CEP85L: variants seen among roughly 807,000 people sequenced by gnomAD.
CEP85L encodes the protein centrosomal protein 85L.
Under a neutral mutation model 100.3 loss-of-function variants are expected in CEP85L, and 60 were observed. The observed-to-expected ratio is 0.60, with a 90% CI of 0.49 to 0.74. The LOEUF (loss-of-function observed/expected upper bound fraction) is 0.74. Ranked by LOEUF, CEP85L falls within the 30% of genes least tolerant of loss-of-function variation. The probability of loss-of-function intolerance (pLI) is 0.00; values close to 1 mark genes in which losing one functional copy is unlikely to be tolerated. For missense variants in CEP85L, 973 were observed against 936.2 expected, an observed-to-expected ratio of 1.04 and a Z score of -0.51; for synonymous variants, 319 against 322.7, an observed-to-expected ratio of 0.99 and a Z score of 0.12.
intron 2 of CEP85L, among the ~76,000 whole-genome samples, chr6:118,587,399 C>G (rs1780926983): frequency 6.6e-6 from 1 of 152,090 alleles, no homozygotes; most frequent in Non-Finnish European, 1.5e-5. Context: ...TGGGGAAGAA[C>G]CATACTTGGG....
At chr6:118,701,369 A>G (rs1485542478) in intron 1 of CEP85L, among the ~76,000 whole-genome samples, 1 of 152,264 alleles carries the variant, frequency 6.6e-6, no homozygotes, top group Non-Finnish European at 1.5e-5. Flanking sequence ...ACATGAAATC[A>G]ACCTAGATGT....
rs1370356327 is a variant in CEP85L, at chr6:118,461,057, A to C, written c.*4348T>G. On this transcript the variant is annotated 3_prime_UTR_variant, in exon 13 of 13. Transcript: ENST00000368491. ...TTTAAACAATAACTGTATTTCAATT[A>C]AGTCATGAACACTGTATTTACACAT... 1 of 151,638 alleles carries C rather than the reference A, an allele frequency of 6.6e-6. No individual in the cohort carries two copies. The highest frequency in any genetic ancestry group is 1.5e-5 in the Non-Finnish European group (1 of 67,874). The allele number at this position is 151,638 out of a possible 1,614,324, so 9.4% of individuals were successfully genotyped here.
At chr6:118,680,920 A>G (rs1480280759) in intron 1 of CEP85L, among the ~76,000 whole-genome samples, 1 of 152,090 alleles carries the variant, frequency 6.6e-6, no homozygotes, top group Non-Finnish European at 1.5e-5. Flanking sequence ...TGCCTGACTA[A>G]AACCAGATAG....
intron 2 of CEP85L, among the ~76,000 whole-genome samples, chr6:118,571,683 G>T (rs1779897749): frequency 6.6e-6 from 1 of 152,100 alleles, no homozygotes; most frequent in South Asian, 2.1e-4. Flanking sequence ...CTACATTAAA[G>T]AATAAATCAT....
intron 1 of CEP85L, among the ~76,000 whole-genome samples, chr6:118,687,838 G>A (rs553553912): frequency 4.9e-4 from 74 of 152,274 alleles, no homozygotes; most frequent in African/African-American, 1.5e-3. Flanking sequence ...CTGATCCAGC[G>A]AGGTGCCCAT....
rs148472801 is a variant in CEP85L at position 118,507,354 on chromosome 6, A to G, written c.1257+3944T>C. On this transcript the variant is annotated intron_variant, in intron 5 of 12. Transcript: ENST00000368491. ...TTCTGACCACTACAGATAAAATTCA[A>G]ATGTTCACATAACTTTTGGACTATT... Among the ~76,000 whole-genome samples, 3 of 152,296 alleles carry G rather than the reference A, an allele frequency of 2.0e-5. No individual in the cohort carries two copies. The East Asian group carries it at 5.8e-4, about 29-fold the overall frequency.
intron 1 of CEP85L, among the ~76,000 whole-genome samples, chr6:118,671,938 C>A (rs1421575552): frequency 6.6e-6 from 1 of 152,026 alleles, no homozygotes; most frequent in African/African-American, 2.4e-5. Flanking sequence ...CTCTATCCCC[C>A]AAAAATAAAT....
chr6:118,576,096 G>GA (rs1158087577), intron 2 of CEP85L, among the ~76,000 whole-genome samples: 13 of 151,010 alleles, frequency 8.6e-5, no homozygotes, highest in Non-Finnish European at 1.9e-4. Context: ...AGGGAAAGTA[G>GA]AAAAAAAAAT....
At chr6:118,513,925 A>C (rs1309300158) in intron 4 of CEP85L, among the ~76,000 whole-genome samples, 3 of 152,140 alleles carry the variant, frequency 2.0e-5, no homozygotes, top group African/African-American at 2.4e-5. Flanking sequence ...TTGAGGCAAA[A>C]AAAAATTTAT....
chr6:118,552,501 A>G (rs894727286), intron 3 of CEP85L, among the ~76,000 whole-genome samples: 33 of 152,024 alleles, frequency 2.2e-4, no homozygotes, highest in African/African-American at 7.5e-4. Context: ...CACTGCAGAC[A>G]AAGTAAGGAC....
chr6:118,489,558 A>T (rs1199733993), intron 6 of CEP85L, among the ~76,000 whole-genome samples: 1 of 152,212 alleles, frequency 6.6e-6, no homozygotes, highest in East Asian at 1.9e-4. Context: ...AAAGATGCTC[A>T]ACATCACTAA....
chr6:118,657,254 A>G (rs796434547), upstream of CEP85L: 10 of 152,574 alleles, frequency 6.6e-5, no homozygotes, highest in African/African-American at 2.4e-4. Flanking sequence ...ATGTAGCAGC[A>G]TAGACTGAGA....
At chr6:118,491,907 G>T (rs1026719407) in intron 5 of CEP85L, 42 bp from the exon 6 acceptor site, 1 of 1,472,014 alleles carries the variant, frequency 6.8e-7, no homozygotes. Context: ...TTAAAAGTTT[G>T]TCTTGAACAA....
intron 1 of CEP85L, among the ~76,000 whole-genome samples, chr6:118,668,258 T>C (rs542240563): frequency 6.6e-6 from 1 of 152,262 alleles, no homozygotes; most frequent in Admixed American, 6.5e-5. Flanking sequence ...GCATAAATGA[T>C]GAAAGGCAAA....
In CEP85L at chr6:118,480,470, G is replaced by C. The variant is rs747796418; in HGVS notation, c.1789C>G (p.Leu597Val). 6.2e-7 allele frequency: 1 copy of C among 1,611,518 alleles called. No homozygotes were observed. Among genetic ancestry groups the C allele is most frequent in the East Asian group, 2.2e-5 (1 of 44,766 alleles). Residue 597 changes from leucine (L) to valine (V), a missense_variant, in exon 9 of 13, where the codon CTT (leucine) becomes GTT (valine). Transcript: ENST00000368491. ...AGCTGTTTTGCATCTAACATGGGAA[G>C]GCGGATTCCATCTTCAAGGCATCTT... is the stretch of plus-strand genomic sequence containing the variant. ...VERCLEDGIRLPMLDAKQLQN... is the reference protein window; with the variant it reads ...VERCLEDGIRVPMLDAKQLQN...
chr6:118,524,854 C>A (rs1776872879), intron 3 of CEP85L, among the ~76,000 whole-genome samples: 1 of 152,178 alleles, frequency 6.6e-6, no homozygotes, highest in Non-Finnish European at 1.5e-5. Context: ...TGACTGGAGC[C>A]CAGCATGCGT....
chr6:118,529,801 T>C (rs756505772), intron 3 of CEP85L, among the ~76,000 whole-genome samples: 1 of 152,118 alleles, frequency 6.6e-6, no homozygotes, highest in African/African-American at 2.4e-5. Flanking sequence ...AGTACATTAA[T>C]ATATGATTGT....
At chr6:118,473,117 G>A (rs894340673) in intron 10 of CEP85L, among the ~76,000 whole-genome samples, 10 of 152,098 alleles carry the variant, frequency 6.6e-5, no homozygotes, top group Non-Finnish European at 1.5e-5. Context: ...AATTCACAGG[G>A]ACATTCCTTC....
intron 4 of CEP85L, among the ~76,000 whole-genome samples, chr6:118,520,037 TAGA>T (rs2114767300): frequency 6.6e-6 from 1 of 152,236 alleles, no homozygotes; most frequent in African/African-American, 2.4e-5. Flanking sequence ...CTACCTAGAA[TAGA>T]AGTAGTTTCC....
Sources: gnomAD v4.1 joint callset for allele counts (sites outside exome capture counted in the v4.1 genomes callset) on GRCh38, gnomAD v4.1.1 for gene constraint, MANE v1.5 for transcripts, NCBI Gene and HGNC (gene_info 2026-07-23, HGNC 2026-07-21) for gene names.